The following TOM1L2 variants were observed in gnomAD, a reference collection of about 807,000 sequenced individuals.
TOM1L2 encodes TOM1-like protein 2.
Under a neutral mutation model 67.9 loss-of-function variants are expected in TOM1L2, and 31 were observed. The observed-to-expected ratio is 0.46, with a 90% CI of 0.34 to 0.62. TOM1L2 has a LOEUF of 0.62. Among genes scored for constraint, TOM1L2 ranks in the 20% least tolerant of loss-of-function variants. The pLI is 0.01. For missense variants in TOM1L2, 606 were observed against 663.5 expected (o/e 0.91, Z 0.95); for synonymous variants, 256 against 254.0 (o/e 1.01, Z -0.07).
At chr17:17,933,375 A>G (rs915078083) in intron 1 of TOM1L2, among the ~76,000 whole-genome samples, 1 of 152,230 alleles carries the variant, frequency 6.6e-6, no homozygotes, top group African/African-American at 2.4e-5. Flanking sequence ...TGCAAGGGAA[A>G]CTAAGTAAGA....
intron 1 of TOM1L2, among the ~76,000 whole-genome samples, chr17:17,912,589 G>A (rs1199208628): frequency 6.6e-6 from 1 of 151,798 alleles, no homozygotes; most frequent in Non-Finnish European, 1.5e-5. Context: ...CAGACGATGG[G>A]CGGCCGGGCA....
chr17:17,953,995 AT>A (rs2041319841), intron 1 of TOM1L2, among the ~76,000 whole-genome samples: 2 of 152,242 alleles, frequency 1.3e-5, no homozygotes, highest in African/African-American at 4.8e-5. Flanking sequence ...TGAATTCAAA[AT>A]CCCACCGGCT....
intron 5 of TOM1L2, 55 bp downstream of exon 5, chr17:17,884,579 T>C (rs1163626975): frequency 3.7e-6 from 6 of 1,608,064 alleles, no homozygotes; most frequent in East Asian, 2.2e-5. Context: ...CTGCAGCAGC[T>C]TGGCTCACCC....
At chr17:17,917,013 AGC>A (rs540413135) in intron 1 of TOM1L2, among the ~76,000 whole-genome samples, 203 of 152,254 alleles carry the variant, frequency 1.3e-3, no homozygotes, top group African/African-American at 4.6e-3. Context: ...TACATAAATT[AGC>A]TGGGCGCAGG....
rs112501212 is a variant in TOM1L2, at chr17:17,970,846, C to G, written c.52+1416G>C. On this transcript the variant is annotated intron_variant, in intron 1 of 14. Coordinates refer to ENST00000379504, the MANE Select transcript of TOM1L2 (RefSeq NM_001082968.2). Reference sequence around the variant, plus strand: ...GCTGAAATCAGGCCCATAAGAACACCAAAGATCCTGGCTCATAAAAGACGT... The same window carrying G: ...GCTGAAATCAGGCCCATAAGAACACGAAAGATCCTGGCTCATAAAAGACGT... Among the ~76,000 whole-genome samples, 1,232 of 151,698 alleles carry G rather than the reference C, an allele frequency of 8.1e-3. 17 individuals are homozygous for G. Among genetic ancestry groups the G allele is most frequent in the African/African-American group, 0.029 (1,187 of 41,512 alleles).
chr17:17,950,310 C>T (rs2041144685), intron 1 of TOM1L2, among the ~76,000 whole-genome samples: 1 of 152,162 alleles, frequency 6.6e-6, no homozygotes, highest in African/African-American at 2.4e-5. Flanking sequence ...GAATGCACCA[C>T]TATACCCGGC....
chr17:17,910,536 A>G (rs765331014), intron 1 of TOM1L2, among the ~76,000 whole-genome samples: 16 of 152,090 alleles, frequency 1.1e-4, no homozygotes, highest in Non-Finnish European at 1.8e-4. Flanking sequence ...TTTGAATGGT[A>G]TGGGGTGGGA....
intron 3 of TOM1L2, among the ~76,000 whole-genome samples, chr17:17,895,691 G>A (rs1568196241): frequency 6.6e-6 from 1 of 152,184 alleles, no homozygotes; most frequent in Non-Finnish European, 1.5e-5. Flanking sequence ...CCCACCTTGA[G>A]GCCACAGGGC....
intron 2 of TOM1L2, among the ~76,000 whole-genome samples, chr17:17,904,399 A>G (rs1050866063): frequency 1.3e-5 from 2 of 152,212 alleles, no homozygotes; most frequent in African/African-American, 4.8e-5. Context: ...AGTTGCCAAC[A>G]TATTTGTATA....
chr17:17,876,868 A>T (rs901813497), intron 7 of TOM1L2, among the ~76,000 whole-genome samples: 3 of 152,238 alleles, frequency 2.0e-5, no homozygotes, highest in Non-Finnish European at 4.4e-5. Flanking sequence ...GTCACTGGGG[A>T]CACGCAGAAA....
intron 1 of TOM1L2, among the ~76,000 whole-genome samples, chr17:17,953,101 A>C (rs2041278578): frequency 6.6e-6 from 1 of 152,108 alleles, no homozygotes; most frequent in South Asian, 2.1e-4. Flanking sequence ...CAACATGGCG[A>C]AACCCCATCT....
intron 11 of TOM1L2, 68 bp from the exon 12 acceptor site, chr17:17,861,619 G>T: frequency 2.2e-6 from 3 of 1,392,942 alleles, no homozygotes; most frequent in Non-Finnish European, 2.0e-6. Flanking sequence ...ATGGGGTAGT[G>T]GCCTGTAATC....
intron 14 of TOM1L2, 94 bp from the exon 15 acceptor site, chr17:17,847,877 G>T (rs2035736834): frequency 6.4e-7 from 1 of 1,566,712 alleles, no homozygotes; most frequent in African/African-American, 1.3e-5. Context: ...TCCTCCTCTA[G>T]GGCAGGCATG....
intron 7 of TOM1L2, among the ~76,000 whole-genome samples, chr17:17,878,482 T>C (rs1245800988): frequency 1.3e-5 from 2 of 151,966 alleles, no homozygotes; most frequent in Non-Finnish European, 2.9e-5. Flanking sequence ...CTGGAACAGG[T>C]CTCCACCCAC....
intron 3 of TOM1L2, among the ~76,000 whole-genome samples, chr17:17,894,013 A>C (rs1412560457): frequency 2.0e-5 from 3 of 152,174 alleles, no homozygotes; most frequent in African/African-American, 4.8e-5. Flanking sequence ...CCCCTTACTG[A>C]CTGAAGTCTC....
intron 3 of TOM1L2, among the ~76,000 whole-genome samples, chr17:17,895,533 C>T (rs937410607): frequency 2.0e-5 from 3 of 152,228 alleles, no homozygotes; most frequent in South Asian, 2.1e-4. Flanking sequence ...CAACTAATTA[C>T]TTCTCCTTAA....
chr17:17,959,087 G>A (rs1268361339), intron 1 of TOM1L2, among the ~76,000 whole-genome samples: 1 of 152,172 alleles, frequency 6.6e-6, no homozygotes, highest in Non-Finnish European at 1.5e-5. Flanking sequence ...TATATCCTTT[G>A]TCACGAAAAT....
At chr17:17,906,872 T>C (rs1179267979) in intron 2 of TOM1L2, among the ~76,000 whole-genome samples, 1 of 152,172 alleles carries the variant, frequency 6.6e-6, no homozygotes, top group Non-Finnish European at 1.5e-5. Flanking sequence ...ACAGACCAGT[T>C]TGGAAGAAGT....
At chr17:17,932,823 T>C (rs1344934083) in intron 1 of TOM1L2, among the ~76,000 whole-genome samples, 2 of 152,196 alleles carry the variant, frequency 1.3e-5, no homozygotes, top group Non-Finnish European at 2.9e-5. Flanking sequence ...GTTAAAAATA[T>C]AGCTACATGA....
Sources: allele counts gnomAD v4.1 joint callset (sites outside exome capture counted in the v4.1 genomes callset), GRCh38; gene constraint gnomAD v4.1.1; transcripts MANE v1.5; gene names NCBI Gene and HGNC (gene_info 2026-07-23, HGNC 2026-07-21).